The following SH3BGRL2 variants were observed in gnomAD, a reference collection of about 807,000 sequenced individuals.
SH3BGRL2 encodes the protein SH3 domain binding glutamate rich protein like 2, also known as SH3 domain-binding glutamic acid-rich-like protein 2.
SH3BGRL2 carries 21 observed loss-of-function variants against 14.8 expected under a neutral mutation model. That is an observed-to-expected ratio of 1.42 (90% CI 1.01 to 2.05). SH3BGRL2 has a LOEUF of 2.05. Among genes scored for constraint, SH3BGRL2 ranks in the 30% most tolerant of loss-of-function variants. SH3BGRL2 has a pLI of 0.00. For synonymous variants in SH3BGRL2, 50 were observed against 47.8 expected (o/e 1.05, Z -0.19); for missense variants, 147 against 130.8 (o/e 1.12, Z -0.61).
chr6:79,669,607 G>A (rs1769732127), intron 1 of SH3BGRL2, among the ~76,000 whole-genome samples: 1 of 151,922 alleles, frequency 6.6e-6, no homozygotes, highest in African/African-American at 2.4e-5. Flanking sequence ...ACCACGCCTG[G>A]CTAATTTTTG....
the SH3BGRL2 span, among the ~76,000 whole-genome samples, chr6:79,588,545 T>C: frequency 6.6e-6 from 1 of 152,186 alleles, no homozygotes; most frequent in Non-Finnish European, 1.5e-5. Context: ...CATCTGCTGC[T>C]TCTCAATTGC....
intron 1 of SH3BGRL2, among the ~76,000 whole-genome samples, chr6:79,670,509 C>T: frequency 6.6e-6 from 1 of 152,238 alleles, no homozygotes; most frequent in Middle Eastern, 3.2e-3. Flanking sequence ...TTATGTCTTA[C>T]AGCTCTTATT....
the SH3BGRL2 span, among the ~76,000 whole-genome samples, chr6:79,563,484 G>T: frequency 2.6e-5 from 4 of 152,132 alleles, no homozygotes; most frequent in East Asian, 7.8e-4. Flanking sequence ...GCTTAGTAAA[G>T]TGACTTGTTT....
the SH3BGRL2 span, among the ~76,000 whole-genome samples, chr6:79,609,762 G>A: frequency 6.6e-6 from 1 of 152,112 alleles, no homozygotes; most frequent in Non-Finnish European, 1.5e-5. Context: ...TCCTGTCTCA[G>A]CCTGGTCACC....
At chr6:79,579,835 A>T in the SH3BGRL2 span, among the ~76,000 whole-genome samples, 1 of 152,226 alleles carries the variant, frequency 6.6e-6, no homozygotes, top group African/African-American at 2.4e-5. Flanking sequence ...AAATGCCCCA[A>T]TTAAAAGACA....
At chr6:79,561,447 T>A in the SH3BGRL2 span, 1 of 152,164 alleles carries the variant, frequency 6.6e-6, no homozygotes, top group Non-Finnish European at 1.5e-5. Context: ...CACAATTCTT[T>A]CAATTACAGA....
chr6:79,592,361 A>G, the SH3BGRL2 span, among the ~76,000 whole-genome samples: 1 of 152,218 alleles, frequency 6.6e-6, no homozygotes, highest in East Asian at 1.9e-4. Flanking sequence ...GGGATCCTGT[A>G]TTCAAAAAGC....
chr6:79,640,552 G>T lies in SH3BGRL2; in HGVS notation c.45+9046G>T, dbSNP rs190682226. ...GGGAACAATTTTGTTGGTCACCTTT[G>T]TTACTATTGACAGCTTATTCCCAAG... On this transcript the variant is annotated intron_variant, in intron 1 of 3. Transcript: ENST00000369838. 5.3e-4 allele frequency among the ~76,000 whole-genome samples: 80 copies of T among 152,252 alleles called. 1 individual carries two copies. In the East Asian group the frequency reaches 0.013, roughly 25 times the overall value.
At chr6:79,614,680 C>T in the SH3BGRL2 span, among the ~76,000 whole-genome samples, 8 of 152,158 alleles carry the variant, frequency 5.3e-5, no homozygotes, top group African/African-American at 1.9e-4. Flanking sequence ...AGCCCTCACC[C>T]CTAATTGCTA....
the SH3BGRL2 span, among the ~76,000 whole-genome samples, chr6:79,539,818 G>A: frequency 6.6e-6 from 1 of 152,236 alleles, no homozygotes; most frequent in African/African-American, 2.4e-5. Context: ...TTGTAAAGTG[G>A]GGGGACATAC....
At chr6:79,630,904 A>G (rs1768808594), upstream of SH3BGRL2, among the ~76,000 whole-genome samples, 1 of 152,094 alleles carries the variant, frequency 6.6e-6, no homozygotes, top group Non-Finnish European at 1.5e-5. Flanking sequence ...CGCCTGCTTC[A>G]GGTAGCTGGG....
At chr6:79,659,767 A>C (rs1293879306) in intron 1 of SH3BGRL2, among the ~76,000 whole-genome samples, 1 of 152,138 alleles carries the variant, frequency 6.6e-6, no homozygotes, top group Non-Finnish European at 1.5e-5. Context: ...CTTCCTATCC[A>C]TGAGCATGGA....
chr6:79,560,661 GAAAT>G, the SH3BGRL2 span, among the ~76,000 whole-genome samples: 1 of 152,064 alleles, frequency 6.6e-6, no homozygotes, highest in Non-Finnish European at 1.5e-5. Flanking sequence ...AATTTTGGAT[GAAAT>G]AAATGTTTAA....
At chr6:79,635,300 G>A (rs1158104596) in intron 1 of SH3BGRL2, among the ~76,000 whole-genome samples, 1 of 152,172 alleles carries the variant, frequency 6.6e-6, no homozygotes, top group Non-Finnish European at 1.5e-5. Flanking sequence ...TAATTTTTTG[G>A]AAAAGGAAAT....
the SH3BGRL2 span, among the ~76,000 whole-genome samples, chr6:79,554,490 A>G: frequency 9.7e-3 from 1,470 of 152,314 alleles, 13 homozygotes; most frequent in Admixed American, 0.016. Flanking sequence ...TAGAGGATTT[A>G]TTGAGGAGTC....
chr6:79,603,183 T>G, the SH3BGRL2 span, among the ~76,000 whole-genome samples: 6 of 152,180 alleles, frequency 3.9e-5, no homozygotes, highest in Admixed American at 3.3e-4. Context: ...ACCAGTTATT[T>G]TTATTATTTT....
At chr6:79,544,021 A>G in the SH3BGRL2 span, among the ~76,000 whole-genome samples, 1 of 152,198 alleles carries the variant, frequency 6.6e-6, no homozygotes, top group East Asian at 1.9e-4. Flanking sequence ...ACCATCTTCC[A>G]TAAGTGGCCC....
At chr6:79,562,600 A>G in the SH3BGRL2 span, among the ~76,000 whole-genome samples, 1 of 152,176 alleles carries the variant, frequency 6.6e-6, no homozygotes, top group Non-Finnish European at 1.5e-5. Context: ...TCCAATAGAA[A>G]CACACACACT....
chr6:79,692,571 A>G (rs1337797650), intron 2 of SH3BGRL2, among the ~76,000 whole-genome samples: 1 of 152,218 alleles, frequency 6.6e-6, no homozygotes, highest in Non-Finnish European at 1.5e-5. Flanking sequence ...AGCTTTCTAC[A>G]TATGGCTAGC....
Sources: gnomAD v4.1 joint callset for allele counts (sites outside exome capture counted in the v4.1 genomes callset) on GRCh38, gnomAD v4.1.1 for gene constraint, MANE v1.5 for transcripts, NCBI Gene and HGNC (gene_info 2026-07-23, HGNC 2026-07-21) for gene names.